Variants in OR10H5 observed in about 807,000 individuals in gnomAD.
OR10H5 encodes the protein olfactory receptor family 10 subfamily H member 5, also known as olfactory receptor 10H5.
In OR10H5, 7 loss-of-function variants were observed where a neutral mutation model predicts 12.2. That is an observed-to-expected ratio of 0.57 (90% CI 0.33 to 1.07). OR10H5 has a LOEUF of 1.07. OR10H5 is among the 50% of genes least tolerant of loss of function. The probability of loss-of-function intolerance (pLI) is 0.04; values close to 1 mark genes in which losing one functional copy is unlikely to be tolerated. For synonymous variants in OR10H5, 159 were observed against 175.1 expected (o/e 0.91, Z 0.73); for missense variants, 346 against 411.6 (o/e 0.84, Z 1.38).
rs1326612534 is a variant in OR10H5, at chr19:15,800,052, T to C, written c.*5056T>C. On this transcript the variant is annotated 3_prime_UTR_variant, in exon 2 of 2. Coordinates refer to ENST00000642092, the MANE Select transcript of OR10H5 (RefSeq NM_001004466.2). ...CCTGTAATACCCTTCCCCCACCTGC[T>C]CGCACACTCCCTTCGGTCTTCCTGA... 1.3e-5 allele frequency: 2 copies of C among 152,134 alleles called. No homozygotes were observed. The highest frequency in any genetic ancestry group is 2.9e-5 in the Non-Finnish European group (2 of 68,090). 9.4% of individuals were successfully genotyped at this position (152,134 alleles called of 1,614,324 possible). A position where few individuals can be genotyped will look rare whatever the true frequency, so the allele number is the denominator to read the frequency against.
Position 15,795,639 on chromosome 19 carries a change from T to C in OR10H5, c.*643T>C, listed in dbSNP as rs1363182298. On this transcript the variant is annotated 3_prime_UTR_variant, in exon 2 of 2. Coordinates refer to ENST00000642092, the MANE Select transcript of OR10H5 (RefSeq NM_001004466.2). Reference sequence around the variant, plus strand: ...CCACACCCAGCCCTGACTTTTTTACTGTAGACATCCCAGTGGTTTCTTATT... The same window carrying C: ...CCACACCCAGCCCTGACTTTTTTACCGTAGACATCCCAGTGGTTTCTTATT... 6.5e-6 allele frequency: 1 copy of C among 152,764 alleles called. No individual in the cohort carries two copies. The highest frequency in any genetic ancestry group is 1.5e-5 in the Non-Finnish European group (1 of 68,612). The allele number at this position is 152,764 out of a possible 1,614,324, so 9.5% of individuals were successfully genotyped here. A position where few individuals can be genotyped will look rare whatever the true frequency, so the allele number is the denominator to read the frequency against.
At chr19:15,790,186 G>A (rs1309467227) in intron 1 of OR10H5, among the ~76,000 whole-genome samples, 1 of 152,148 alleles carries the variant, frequency 6.6e-6, no homozygotes, top group African/African-American at 2.4e-5. Context: ...CACAAGGGAG[G>A]GAGTGCTGGA....
At position 15,797,896 on chromosome 19, in the gene OR10H5, A is replaced by T. The variant is rs1193533736; in HGVS notation, c.*2900A>T. The stretch of plus-strand genomic sequence containing the variant: ...AACCCTGTGTCTACTAAAAATACAA[A>T]AATTAGCTGGGTGTGGTGTGCGTGT... On this transcript the variant is annotated 3_prime_UTR_variant, in exon 2 of 2. Transcript: ENST00000642092. 2 of 151,824 alleles carry T rather than the reference A, an allele frequency of 1.3e-5. No homozygotes were observed. Among genetic ancestry groups the T allele is most frequent in the African/African-American group, 4.8e-5 (2 of 41,290 alleles). The allele number at this position is 151,824 out of a possible 1,614,324, so 9.4% of individuals were successfully genotyped here. A position where few individuals can be genotyped will look rare whatever the true frequency, so the allele number is the denominator to read the frequency against.
Position 15,794,286 on chromosome 19 carries a change from C to G in OR10H5, c.238C>G (p.Arg80Gly). 1 of 1,614,110 alleles carries G rather than the reference C, an allele frequency of 6.2e-7. No homozygotes were observed. Among genetic ancestry groups the G allele is most frequent in the East Asian group, 2.2e-5 (1 of 44,882 alleles). Reference sequence around the variant, plus strand: ...CCTCTACACCGTGGCCATCATCCCGCGCATGCTGGCCGACCTGCTGTCCAC... The same window carrying G: ...CCTCTACACCGTGGCCATCATCCCGGGCATGCTGGCCGACCTGCTGTCCAC... ...EILYTVAIIP[R>G]MLADLLSTQR... The change falls in exon 2 of 2, where the codon CGC becomes GGC. Residue 80 changes from arginine to glycine, a missense_variant. Physicochemically the swap from Arg to Gly is moderately radical, Grantham distance 125. Transcript: ENST00000642092.
intron 1 of OR10H5, among the ~76,000 whole-genome samples, 199 bp downstream of exon 1, chr19:15,787,915 T>C (rs1402794086): frequency 2.0e-5 from 3 of 152,088 alleles, no homozygotes; most frequent in African/African-American, 7.2e-5. Context: ...CCAGGCTGGA[T>C]CAGCCTGTCC....
In OR10H5 at chr19:15,795,200, TCCTCCCTC is replaced by T. The variant is rs898056016; in HGVS notation, c.*215_*222del. On this transcript the variant is annotated 3_prime_UTR_variant, in exon 2 of 2. Transcript: ENST00000642092. ...CTCCTCCTTGCCTTCCTTCCATCCT[TCCTCCCTC>T]CCTCCCTCCCCCTTCCTTCTTCTCT... is the stretch of plus-strand genomic sequence containing the variant. The T allele has an allele frequency of 5.8e-6, 3 of 514,086 alleles. No homozygotes were observed. The highest frequency in any genetic ancestry group is 4.7e-5 in the South Asian group (2 of 42,434). 31.8% of individuals were successfully genotyped at this position (514,086 alleles called of 1,614,324 possible). A position where few individuals can be genotyped will look rare whatever the true frequency, so the allele number is the denominator to read the frequency against.
rs909096046 is a variant in OR10H5, at chr19:15,799,533, C to T, written c.*4537C>T. ...TTAAGTGCCAAAAGTTCAGTGAAAA[C>T]ACAGCCACATCTGTGTTTTCTCTGT... On this transcript the variant is annotated 3_prime_UTR_variant, in exon 2 of 2. Coordinates refer to ENST00000642092, the MANE Select transcript of OR10H5 (RefSeq NM_001004466.2). 11 of 152,078 alleles carry T rather than the reference C, an allele frequency of 7.2e-5. No homozygotes were observed. Among genetic ancestry groups the T allele is most frequent in the Admixed American group, 6.6e-4 (10 of 15,258 alleles). 9.4% of individuals were successfully genotyped at this position (152,078 alleles called of 1,614,324 possible).
At chr19:15,791,947 C>G (rs982895659) in intron 1 of OR10H5, among the ~76,000 whole-genome samples, 2 of 152,018 alleles carry the variant, frequency 1.3e-5, no homozygotes, top group South Asian at 2.1e-4. Context: ...CCCGTCTCAG[C>G]CTCCCAAAGT....
At chr19:15,791,301 A>T (rs1387133994) in intron 1 of OR10H5, among the ~76,000 whole-genome samples, 7 of 152,156 alleles carry the variant, frequency 4.6e-5, no homozygotes. Context: ...AGCCGAGATC[A>T]TGCCACTGCA....
At chr19:15,793,791 A>T (rs191360870) in intron 1 of OR10H5, among the ~76,000 whole-genome samples, 118 of 152,268 alleles carry the variant, frequency 7.7e-4, no homozygotes, top group African/African-American at 2.7e-3. Flanking sequence ...AGGCAGGAGA[A>T]TCACTTGAAC....
chr19:15,795,257 CTCTG>C lies in OR10H5; in HGVS notation c.*265_*268del, dbSNP rs1296840018. On this transcript the variant is annotated 3_prime_UTR_variant, in exon 2 of 2. Transcript: ENST00000642092. ...CTGCCTACTTCCCTCTTTCCCTTCT[CTCTG>C]TCTCTTTCTGTTTCTATACCTCTCT... The C allele has an allele frequency of 3.9e-6, 2 of 511,060 alleles. No homozygotes were observed. Among genetic ancestry groups the C allele is most frequent in the Non-Finnish European group, 6.9e-6 (2 of 289,280 alleles). 31.7% of individuals were successfully genotyped at this position (511,060 alleles called of 1,614,324 possible). A position where few individuals can be genotyped will look rare whatever the true frequency, so the allele number is the denominator to read the frequency against.
chr19:15,791,946 G>C (rs539123274), intron 1 of OR10H5, among the ~76,000 whole-genome samples: 1 of 151,850 alleles, frequency 6.6e-6, no homozygotes, highest in African/African-American at 2.4e-5. Flanking sequence ...GCCCGTCTCA[G>C]CCTCCCAAAG....
chr19:15,794,162 G>T lies in OR10H5; in HGVS notation c.114G>T (p.Thr38=). 1 of 1,613,976 alleles carries T rather than the reference G, an allele frequency of 6.2e-7. No homozygotes were observed. Among genetic ancestry groups the T allele is most frequent in the South Asian group, 1.1e-5 (1 of 91,054 alleles). The change falls in exon 2 of 2, where the codon ACG becomes ACT. Residue 38 remains threonine, a synonymous_variant. Transcript: ENST00000642092. ...TGTTCCTGCTGATGTACCTGTTCAC[G>T]CTGCTGGGCAACCTGCTCATCATGG... The part of the protein sequence containing the change: ...FLLFLLMYLF[T]LLGNLLIMAT...
At chr19:15,792,085 G>A (rs1030365886) in intron 1 of OR10H5, among the ~76,000 whole-genome samples, 1 of 151,772 alleles carries the variant, frequency 6.6e-6, no homozygotes, top group Admixed American at 6.6e-5. Context: ...GTTACAATTA[G>A]CCATATTCAC....
intron 1 of OR10H5, among the ~76,000 whole-genome samples, chr19:15,789,400 T>C (rs1344724988): frequency 1.3e-5 from 2 of 152,138 alleles, no homozygotes; most frequent in African/African-American, 2.4e-5. Flanking sequence ...ATGAGTTGAA[T>C]TGTGTCTCCT....
intron 1 of OR10H5, among the ~76,000 whole-genome samples, chr19:15,790,940 C>G (rs1376867901): frequency 6.6e-6 from 1 of 152,076 alleles, no homozygotes; most frequent in Non-Finnish European, 1.5e-5. Context: ...CGAAAACGTG[C>G]TATCACAACA....
In OR10H5 at chr19:15,794,472, A is replaced by C. The variant is rs557841248; in HGVS notation, c.424A>C (p.Thr142Pro). ...CGTGCTCATGAGCCTGCGGGGCTGC[A>C]CCTGCCGGGTGGGCTGCTCCTGGGC... ...YNVLMSLRGCTCRVGCSWAGG... is the reference protein window; with the variant it reads ...YNVLMSLRGCPCRVGCSWAGG... The change falls in exon 2 of 2, where the codon ACC (threonine) becomes CCC (proline). Residue 142 changes from threonine to proline, a missense_variant. By Grantham distance (38) the Thr-to-Pro change is conservative. Transcript: ENST00000642092. 6.2e-7 allele frequency: 1 copy of C among 1,614,100 alleles called. No individual in the cohort carries two copies. Among genetic ancestry groups the C allele is most frequent in the Non-Finnish European group, 8.5e-7 (1 of 1,179,986 alleles).
In OR10H5 at chr19:15,794,087, C is replaced by T; in HGVS notation, c.39C>T (p.Ile13=). Residue 13 remains isoleucine (I), a synonymous_variant, in exon 2 of 2, where the codon ATC becomes ATT. Coordinates refer to ENST00000642092, the MANE Select transcript of OR10H5 (RefSeq NM_001004466.2). The stretch of plus-strand genomic sequence containing the variant: ...ACCACACCTCCGTGTCTGAATTCAT[C>T]CTCGTTGGCTTCTCTGCCTTCCCCC... The part of the protein sequence containing the change: ...GLNHTSVSEF[I]LVGFSAFPHL... 1.2e-6 allele frequency: 2 copies of T among 1,614,016 alleles called. No individual in the cohort carries two copies. Among genetic ancestry groups the T allele is most frequent in the Non-Finnish European group, 1.7e-6 (2 of 1,179,986 alleles).
rs61748264 is a variant in OR10H5 at position 15,794,369 on chromosome 19, C to A, written c.321C>A (p.Phe107Leu). The A allele has an allele frequency of 3.1e-6, 5 of 1,614,190 alleles. No individual in the cohort carries two copies. Among genetic ancestry groups the A allele is most frequent in the Non-Finnish European group, 4.2e-6 (5 of 1,180,038 alleles). Residue 107 changes from phenylalanine (F) to leucine (L), a missense_variant, in exon 2 of 2, where the codon TTC becomes TTA. Coordinates refer to ENST00000642092, the MANE Select transcript of OR10H5 (RefSeq NM_001004466.2). ...GTCAGATGTTCTTCTCCTTCAGCTT[C>A]GGCTTCACCCACTCCTTCCTGCTCA... ...CASQMFFSFSFGFTHSFLLTV... is the reference protein window; with the variant it reads ...CASQMFFSFSLGFTHSFLLTV...
Sources: allele counts gnomAD v4.1 joint callset (sites outside exome capture counted in the v4.1 genomes callset), GRCh38; gene constraint gnomAD v4.1.1; transcripts MANE v1.5; gene names NCBI Gene and HGNC (gene_info 2026-07-23, HGNC 2026-07-21).